The following MAP2 variants were observed in gnomAD, a reference collection of about 807,000 sequenced individuals.
MAP2 encodes the protein microtubule associated protein 2, also known as microtubule-associated protein 2.
Under a neutral mutation model 137.6 loss-of-function variants are expected in MAP2, and 14 were observed. The observed-to-expected ratio is 0.10, with a 90% CI of 0.07 to 0.16. The LOEUF (loss-of-function observed/expected upper bound fraction) is 0.16. Among genes scored for constraint, MAP2 ranks in the 10% least tolerant of loss-of-function variants. The probability of loss-of-function intolerance (pLI) is 1.00; values close to 1 mark genes in which losing one functional copy is unlikely to be tolerated. For missense variants in MAP2, 2,088 were observed against 2,191.5 expected, an observed-to-expected ratio of 0.95 and a Z score of 0.94; for synonymous variants, 786 against 782.3, an observed-to-expected ratio of 1.00 and a Z score of -0.08.
chr2:209,550,923 A>G (rs1025710115), intron 2 of MAP2, among the ~76,000 whole-genome samples: 8 of 152,168 alleles, frequency 5.3e-5, no homozygotes, highest in African/African-American at 1.9e-4. Flanking sequence ...GAATTTTAAT[A>G]TAGGTAGGTT....
intron 4 of MAP2, among the ~76,000 whole-genome samples, chr2:209,647,667 G>A (rs754652507): frequency 2.6e-5 from 4 of 152,162 alleles, no homozygotes; most frequent in African/African-American, 4.8e-5. Context: ...AAGAATCTTC[G>A]ATTTTTCATA....
intron 1 of MAP2, among the ~76,000 whole-genome samples, chr2:209,426,440 C>T (rs1466118812): frequency 1.3e-5 from 2 of 151,988 alleles, no homozygotes; most frequent in Non-Finnish European, 2.9e-5. Flanking sequence ...ATAGGAGGGC[C>T]AGTGTTTTCA....
At chr2:209,717,910 T>G (rs1311486624) in intron 13 of MAP2, among the ~76,000 whole-genome samples, 3 of 152,304 alleles carry the variant, frequency 2.0e-5, no homozygotes, top group African/African-American at 4.8e-5. Flanking sequence ...TCTTCACATC[T>G]TCTTAGAGCT....
At chr2:209,576,998 A>G (rs2075465422) in intron 2 of MAP2, among the ~76,000 whole-genome samples, 1 of 152,128 alleles carries the variant, frequency 6.6e-6, no homozygotes, top group Non-Finnish European at 1.5e-5. Flanking sequence ...AAGCTGTGCT[A>G]TTTTTTTAGA....
At chr2:209,486,914 A>G (rs1169568043) in intron 1 of MAP2, among the ~76,000 whole-genome samples, 1 of 152,210 alleles carries the variant, frequency 6.6e-6, no homozygotes, top group Non-Finnish European at 1.5e-5. Flanking sequence ...TGTGTCATAG[A>G]TTAATATTTT....
chr2:209,511,318 A>G (rs1465006925), intron 2 of MAP2, among the ~76,000 whole-genome samples: 2 of 152,088 alleles, frequency 1.3e-5, no homozygotes, highest in Non-Finnish European at 2.9e-5. Context: ...CTTAGCATAT[A>G]TATTCCATGA....
chr2:209,568,155 G>C (rs530591255), intron 2 of MAP2, among the ~76,000 whole-genome samples: 1 of 151,890 alleles, frequency 6.6e-6, no homozygotes, highest in Non-Finnish European at 1.5e-5. Flanking sequence ...TTGGTACAAG[G>C]ACTAGAGGAA....
intron 2 of MAP2, among the ~76,000 whole-genome samples, chr2:209,563,380 T>G (rs1365073322): frequency 6.7e-6 from 1 of 148,826 alleles, no homozygotes; most frequent in Non-Finnish European, 1.5e-5. Flanking sequence ...TGCAATTACT[T>G]TTGCACCAAC....
rs1329159934 is a variant in MAP2 at position 209,434,874 on chromosome 2, TTATATATATGTTATATATATGTTA to T, written c.-222+10645_-222+10668del. Among the ~76,000 whole-genome samples the T allele has an allele frequency of 6.3e-3, 583 of 93,120 alleles. 9 individuals are homozygous for T. Among genetic ancestry groups the T allele is most frequent in the Non-Finnish European group, 0.01 (423 of 40,544 alleles). 61.1% of individuals were successfully genotyped at this position (93,120 alleles called of 152,430 possible). A position where few individuals can be genotyped will look rare whatever the true frequency, so the allele number is the denominator to read the frequency against. ...GTTATATATATATGTTATATATATG[TTATATATATGTTATATATATGTTA>T]TATATATATGTTATATATATGTTAT... is the stretch of plus-strand genomic sequence containing the variant. On this transcript the variant is annotated intron_variant, in intron 1 of 15. Coordinates refer to ENST00000682079, the MANE Select transcript of MAP2 (RefSeq NM_001375505.1).
intron 1 of MAP2, among the ~76,000 whole-genome samples, chr2:209,446,684 C>T (rs192951283): frequency 6.6e-6 from 1 of 151,910 alleles, no homozygotes; most frequent in Admixed American, 6.6e-5. Flanking sequence ...TCTCCCCACC[C>T]CATTTTGAAT....
At chr2:209,455,538 T>C (rs1030999950) in intron 1 of MAP2, among the ~76,000 whole-genome samples, 5 of 152,164 alleles carry the variant, frequency 3.3e-5, no homozygotes, top group East Asian at 1.9e-4. Context: ...GATCCTCAAA[T>C]GTTCAAAATA....
chr2:209,476,772 A>G (rs1220448129), intron 1 of MAP2, among the ~76,000 whole-genome samples: 1 of 152,166 alleles, frequency 6.6e-6, no homozygotes, highest in East Asian at 1.9e-4. Context: ...CTTGACACAA[A>G]GCCTTTTAAG....
In MAP2 at chr2:209,559,479, CAAAAAAA is replaced by C. The variant is rs59788211; in HGVS notation, c.-171-20538_-171-20532del. Among the ~76,000 whole-genome samples, 63 of 37,550 alleles carry C rather than the reference CAAAAAAA, an allele frequency of 1.7e-3. No homozygotes were observed. The East Asian group carries it at 0.054, about 32-fold the overall frequency. 24.6% of individuals were successfully genotyped at this position (37,550 alleles called of 152,430 possible). On this transcript the variant is annotated intron_variant, in intron 2 of 15. Transcript: ENST00000682079. ...TGAAACTCCATCTCTGCCAAAAATACAAAAAAAAAAAAAAAAAAAAAAAAAGCCGGGT... is the reference window on the plus strand; with the variant it reads ...TGAAACTCCATCTCTGCCAAAAATACAAAAAAAAAAAAAAAAAAGCCGGGT...
intron 5 of MAP2, among the ~76,000 whole-genome samples, chr2:209,666,904 C>T (rs545699614): frequency 2.6e-5 from 4 of 151,936 alleles, no homozygotes; most frequent in African/African-American, 9.6e-5. Flanking sequence ...ACTAGAAATG[C>T]TTGAATCTCC....
At position 209,695,709 on chromosome 2, in the gene MAP2, C is replaced by T; in HGVS notation, c.3539C>T (p.Ser1180Leu). ...SVEIPCPPAV[S>L]EADLATDERA... ...GAAATACCTTGCCCACCTGCTGTTT[C>T]AGAGGCTGATTTAGCCACAGATGAG... Residue 1180 changes from serine to leucine, a missense_variant, in exon 8 of 16, where the codon TCA becomes TTA. By Grantham distance (145) the Ser-to-Leu change is moderately radical (BLOSUM62 -2). Around this residue, in one of 6 missense-constraint regions of MAP2, gnomAD observed 591 missense variants for 642.6 expected, o/e 0.92. Transcript: ENST00000682079. 1 of 1,614,072 alleles carries T rather than the reference C, an allele frequency of 6.2e-7. No homozygotes were observed. Among genetic ancestry groups the T allele is most frequent in the South Asian group, 1.1e-5 (1 of 91,068 alleles).
In MAP2 at chr2:209,594,146, A is replaced by C. The variant is rs969307312; in HGVS notation, c.-107+14046A>C. Reference sequence around the variant, plus strand: ...CTCGGTAACAGATGAAAAAAAAAAAAAAAAAAAAGCAGGCATCCCAGAGGG... The same window carrying C: ...CTCGGTAACAGATGAAAAAAAAAAACAAAAAAAAGCAGGCATCCCAGAGGG... On this transcript the variant is annotated intron_variant, in intron 3 of 15. Coordinates refer to ENST00000682079, the MANE Select transcript of MAP2 (RefSeq NM_001375505.1). Among the ~76,000 whole-genome samples, 81 of 147,994 alleles carry C rather than the reference A, an allele frequency of 5.5e-4. No individual in the cohort carries two copies. The South Asian group carries it at 9.4e-3, about 17-fold the overall frequency.
chr2:209,459,739 C>G (rs1403614545), intron 1 of MAP2, among the ~76,000 whole-genome samples: 15 of 152,180 alleles, frequency 9.9e-5, no homozygotes, highest in Non-Finnish European at 2.2e-4. Context: ...CACTGCCTAC[C>G]AGGCCACCAT....
chr2:209,680,816 C>T lies in MAP2; in HGVS notation c.443C>T (p.Thr148Ile), dbSNP rs769142027. ...PPSPASEQTVTVEEDLLTASK... is the reference protein window; with the variant it reads ...PPSPASEQTVIVEEDLLTASK... ...TCACCTGCCTCAGAACAGACTGTCA[C>T]AGTGGAGGAAGGTAAGGCCTATTGG... Residue 148 changes from threonine (T) to isoleucine (I), a missense_variant, in exon 7 of 16, where the codon ACA becomes ATA. This residue lies in a region of MAP2 where 859 missense variants were observed against 794.5 expected (regional missense o/e 1.08). Transcript: ENST00000682079. The T allele has an allele frequency of 2.5e-6, 4 of 1,613,506 alleles. No individual in the cohort carries two copies. The South Asian group carries it at 4.4e-5, about 18-fold the overall frequency.
chr2:209,544,407 T>C (rs2067640685), intron 2 of MAP2, among the ~76,000 whole-genome samples: 1 of 152,182 alleles, frequency 6.6e-6, no homozygotes, highest in Non-Finnish European at 1.5e-5. Context: ...ACTTTGACTA[T>C]GAAAGGGAGG....
Sources: gnomAD v4.1 joint callset for allele counts (sites outside exome capture counted in the v4.1 genomes callset) on GRCh38, gnomAD v4.1.1 for gene constraint, gnomAD v4.1.1 regional missense constraint, MANE v1.5 for transcripts, NCBI Gene and HGNC (gene_info 2026-07-23, HGNC 2026-07-21) for gene names.